The following KLF12 variants were observed in gnomAD, a reference collection of about 807,000 sequenced individuals.
KLF12 encodes Krueppel-like factor 12.
Under a neutral mutation model 37.8 loss-of-function variants are expected in KLF12, and 9 were observed. The ratio of observed to expected loss-of-function variants is 0.24; its 90% CI spans 0.14 to 0.42. The LOEUF (loss-of-function observed/expected upper bound fraction) is 0.42, where lower values mean the gene tolerates loss of function less well. Among genes scored for constraint, KLF12 ranks in the 10% least tolerant of loss-of-function variants. The probability of loss-of-function intolerance (pLI) is 1.00; values close to 1 mark genes in which losing one functional copy is unlikely to be tolerated. For synonymous variants in KLF12, 208 were observed against 202.1 expected, an observed-to-expected ratio of 1.03 and a Z score of -0.25; for missense variants, 411 against 516.0, an observed-to-expected ratio of 0.80 and a Z score of 1.97.
At chr13:74,014,348 C>T (rs765237604) in intron 1 of KLF12, among the ~76,000 whole-genome samples, 24 of 152,188 alleles carry the variant, frequency 1.6e-4, no homozygotes, top group Non-Finnish European at 2.2e-4. Context: ...TTACTGGTAA[C>T]GAATAAAACA....
intron 2 of KLF12, among the ~76,000 whole-genome samples, chr13:73,989,735 T>C (rs1187790708): frequency 2.0e-5 from 3 of 152,120 alleles, no homozygotes; most frequent in Non-Finnish European, 2.9e-5. Flanking sequence ...AGATAAGCGA[T>C]ACTCAGGGAG....
At chr13:74,119,119 G>A (rs1291861147) in intron 1 of KLF12, among the ~76,000 whole-genome samples, 1 of 152,046 alleles carries the variant, frequency 6.6e-6, no homozygotes, top group Non-Finnish European at 1.5e-5. Context: ...GATCACCTGA[G>A]GCCAAGTGTT....
chr13:73,923,621 A>G (rs1460453281), intron 3 of KLF12, among the ~76,000 whole-genome samples: 1 of 152,106 alleles, frequency 6.6e-6, no homozygotes, highest in Non-Finnish European at 1.5e-5. Flanking sequence ...AGAAAGCAGC[A>G]CCTTAGAAAT....
At chr13:73,702,979 T>A (rs1380759011) in intron 7 of KLF12, among the ~76,000 whole-genome samples, 1 of 152,130 alleles carries the variant, frequency 6.6e-6, no homozygotes, top group Non-Finnish European at 1.5e-5. Flanking sequence ...TACCTCTTCA[T>A]AGTTTACGGC....
chr13:74,182,345 A>C, the KLF12 span, among the ~76,000 whole-genome samples: 82 of 152,350 alleles, frequency 5.4e-4, no homozygotes, highest in East Asian at 0.012. Context: ...ACTTTTGTCC[A>C]AGGGTGATTT....
In KLF12 at chr13:73,858,314, G is replaced by A. The variant is rs569896643; in HGVS notation, c.124-11941C>T. 2.2e-3 allele frequency among the ~76,000 whole-genome samples: 336 copies of A among 152,266 alleles called. 4 individuals carry two copies. The highest frequency in any genetic ancestry group is 9.3e-4 in the Non-Finnish European group (63 of 68,006). ...TTTGCTAAGTGTGTCACTAGTATAA[G>A]TTTTAGACTGGTGGCATGATTTTTC... On this transcript the variant is annotated intron_variant, in intron 3 of 7. Coordinates refer to ENST00000377669, the MANE Select transcript of KLF12 (RefSeq NM_007249.5).
At position 74,040,000 on chromosome 13, in the gene KLF12, A is replaced by G. The variant is rs183129079; in HGVS notation, c.-31-44947T>C. 1.1e-3 allele frequency among the ~76,000 whole-genome samples: 170 copies of G among 152,356 alleles called. 2 individuals are homozygous for G. The highest frequency in any genetic ancestry group is 0.01 in the Middle Eastern group (3 of 294). The stretch of plus-strand genomic sequence containing the variant: ...CAAAGACCAAGTGTGGTTAGTAGAC[A>G]ATCTAGATGAAAGTATTCAACTGTG... On this transcript the variant is annotated intron_variant, in intron 1 of 7. Coordinates refer to ENST00000377669, the MANE Select transcript of KLF12 (RefSeq NM_007249.5).
chr13:74,140,955 T>A, the KLF12 span, among the ~76,000 whole-genome samples: 11 of 388 alleles, frequency 0.028, no homozygotes, highest in East Asian at 0.46. Flanking sequence ...ACTCGGGGGG[T>A]GGGGGGTGCT....
chr13:73,699,805 T>TA (rs1355078017), intron 7 of KLF12, among the ~76,000 whole-genome samples: 4 of 152,126 alleles, frequency 2.6e-5, no homozygotes, highest in Non-Finnish European at 4.4e-5. Flanking sequence ...CAGCACCTGG[T>TA]AGAGCAAGGG....
At chr13:73,770,243 A>G (rs1297614038) in intron 5 of KLF12, among the ~76,000 whole-genome samples, 1 of 152,124 alleles carries the variant, frequency 6.6e-6, no homozygotes, top group Non-Finnish European at 1.5e-5. Flanking sequence ...TACTGAATAC[A>G]AGTTCTCCTG....
chr13:73,877,563 A>G (rs1886773996), intron 3 of KLF12, among the ~76,000 whole-genome samples: 1 of 152,192 alleles, frequency 6.6e-6, no homozygotes, highest in African/African-American at 2.4e-5. Context: ...TGAAAATATT[A>G]TCCCATTGTC....
chr13:73,784,671 C>T (rs1226702674), intron 5 of KLF12, among the ~76,000 whole-genome samples: 2 of 148,748 alleles, frequency 1.3e-5, no homozygotes, highest in Non-Finnish European at 3.0e-5. Context: ...CGCTCTGTTG[C>T]CCAGGCTGGA....
intron 1 of KLF12, among the ~76,000 whole-genome samples, chr13:74,030,912 C>A (rs575394839): frequency 6.6e-6 from 1 of 152,212 alleles, no homozygotes; most frequent in South Asian, 2.1e-4. Flanking sequence ...GCTATAATTT[C>A]TCTAATCCTA....
chr13:74,134,992 T>C (rs1180557071), upstream of KLF12, among the ~76,000 whole-genome samples: 1 of 151,276 alleles, frequency 6.6e-6, no homozygotes, highest in African/African-American at 2.4e-5. Context: ...GCGCCGGGCA[T>C]CGCCCGCGCC....
intron 1 of KLF12, among the ~76,000 whole-genome samples, chr13:74,100,073 G>A (rs1242035595): frequency 3.3e-5 from 5 of 152,048 alleles, no homozygotes; most frequent in East Asian, 1.9e-4. Flanking sequence ...ATGGAGGCAC[G>A]CTGGCAGCTG....
chr13:73,724,922 ACTGATATTCTTT>A (rs1876546736), intron 6 of KLF12, among the ~76,000 whole-genome samples: 1 of 152,092 alleles, frequency 6.6e-6, no homozygotes, highest in South Asian at 2.1e-4. Context: ...GCTTGGCAAC[ACTGATATTCTTT>A]CTTTTTACAT....
At chr13:74,213,138 T>A in the KLF12 span, among the ~76,000 whole-genome samples, 6 of 152,312 alleles carry the variant, frequency 3.9e-5, no homozygotes, top group Admixed American at 3.9e-4. Flanking sequence ...TTAAATTTTA[T>A]CTTATATTAC....
At chr13:73,848,933 G>A (rs1044831099) in intron 3 of KLF12, among the ~76,000 whole-genome samples, 1 of 152,028 alleles carries the variant, frequency 6.6e-6, no homozygotes, top group African/African-American at 2.4e-5. Flanking sequence ...GTATAAACAG[G>A]ACAAAATCCT....
chr13:73,713,623 G>C (rs188181350), intron 7 of KLF12, among the ~76,000 whole-genome samples: 1 of 152,322 alleles, frequency 6.6e-6, no homozygotes, highest in African/African-American at 2.4e-5. Context: ...AATCAATTCT[G>C]CTTCAGCATA....
Sources: allele counts gnomAD v4.1 joint callset (sites outside exome capture counted in the v4.1 genomes callset), GRCh38; gene constraint gnomAD v4.1.1; transcripts MANE v1.5; gene names NCBI Gene and HGNC (gene_info 2026-07-23, HGNC 2026-07-21).